Variants in ANK1 observed in about 807,000 individuals in gnomAD.
The protein encoded by ANK1 is ankyrin 1.
A neutral mutation model predicts 210.4 loss-of-function variants in ANK1; 51 were observed. The ratio of observed to expected loss-of-function variants is 0.24; its 90% CI spans 0.19 to 0.31. The LOEUF is 0.31. Ranked by LOEUF, ANK1 falls within the 10% of genes least tolerant of loss-of-function variation. ANK1 has a pLI of 1.00. For missense variants in ANK1, 2,051 were observed against 2,504.4 expected (o/e 0.82, Z 3.86); for synonymous variants, 967 against 1,025.9 (o/e 0.94, Z 1.10).
In ANK1 at chr8:41,708,224, G is replaced by A. The variant is rs778462469; in HGVS notation, c.1998+554C>T. 5.3e-4 allele frequency among the ~76,000 whole-genome samples: 79 copies of A among 150,364 alleles called. 1 individual carries two copies. The highest frequency in any genetic ancestry group is 1.9e-4 in the Non-Finnish European group (13 of 67,594). On this transcript the variant is annotated intron_variant, in intron 17 of 42. Coordinates refer to ENST00000289734, the MANE Select transcript of ANK1 (RefSeq NM_000037.4). Reference sequence around the variant, plus strand: ...GAAGTGATTTTTAGTCTTTTTTTTTGGGTCACACATTCCTTTGAGAAGCTG... The same window carrying A: ...GAAGTGATTTTTAGTCTTTTTTTTTAGGTCACACATTCCTTTGAGAAGCTG...
intron 1 of ANK1, among the ~76,000 whole-genome samples, chr8:41,761,529 T>TG (rs1840452172): frequency 1.3e-5 from 2 of 152,172 alleles, no homozygotes; most frequent in Admixed American, 1.3e-4. Flanking sequence ...CCTGAAGCCC[T>TG]GGAGGGAGTG....
At chr8:41,800,070 G>A (rs1449891555), upstream of ANK1, among the ~76,000 whole-genome samples, 1 of 152,096 alleles carries the variant, frequency 6.6e-6, no homozygotes, top group African/African-American at 2.4e-5. Flanking sequence ...CTGAAAGGGG[G>A]CCGCAAAAGC....
At chr8:41,889,319 G>A (rs891572404) in intron 1 of ANK1, among the ~76,000 whole-genome samples, 51 of 152,216 alleles carry the variant, frequency 3.4e-4, no homozygotes, top group African/African-American at 1.0e-3. Context: ...CCTATTGGGC[G>A]ACAGAGTGTG....
intron 1 of ANK1, among the ~76,000 whole-genome samples, chr8:41,858,397 G>T (rs1020083455): frequency 7.9e-5 from 12 of 151,726 alleles, no homozygotes; most frequent in African/African-American, 2.7e-4. Flanking sequence ...AGGCCAAGAG[G>T]GTGATGCCCA....
intron 2 of ANK1, among the ~76,000 whole-genome samples, chr8:41,749,456 C>T (rs979925715): frequency 6.6e-6 from 1 of 151,888 alleles, no homozygotes; most frequent in Non-Finnish European, 1.5e-5. Context: ...CACCACCATG[C>T]CCGACTAATT....
At chr8:41,858,738 A>G (rs938232282) in intron 1 of ANK1, among the ~76,000 whole-genome samples, 1 of 152,252 alleles carries the variant, frequency 6.6e-6, no homozygotes, top group Non-Finnish European at 1.5e-5. Context: ...AAACAAAACC[A>G]AAACCAGCAA....
chr8:41,685,149 G>A lies in ANK1; in HGVS notation c.4391-459C>T, dbSNP rs149328354. Among the ~76,000 whole-genome samples, 447 of 152,272 alleles carry A rather than the reference G, an allele frequency of 2.9e-3. 1 individual carries two copies. The highest frequency in any genetic ancestry group is 0.01 in the African/African-American group (429 of 41,550). ...TTGCCATGTTGGCCAGGCTGGTCTC[G>A]AACTCCTGACTTCAAGTGATCTACC... On this transcript the variant is annotated intron_variant, in intron 36 of 42. Transcript: ENST00000289734.
intron 1 of ANK1, among the ~76,000 whole-genome samples, chr8:41,864,393 G>A (rs1349947165): frequency 1.3e-5 from 2 of 152,116 alleles, no homozygotes; most frequent in East Asian, 3.8e-4. Context: ...ATTGGCCGGT[G>A]GGATGTGGAC....
At chr8:41,660,236 T>C (rs1807495363) in intron 42 of ANK1, among the ~76,000 whole-genome samples, 1 of 152,090 alleles carries the variant, frequency 6.6e-6, no homozygotes, top group African/African-American at 2.4e-5. Context: ...TTTGCCCAAG[T>C]GCTGAGATAT....
chr8:41,838,767 A>AAAAAATAATAATAAT (rs374459221), intron 1 of ANK1, among the ~76,000 whole-genome samples: 2 of 140,512 alleles, frequency 1.4e-5, no homozygotes, highest in Non-Finnish European at 3.0e-5. Context: ...TCCGTCTCAA[A>AAAAAATAATAATAAT]AATAATAATA....
chr8:41,662,278 C>T (rs1008760086), intron 40 of ANK1, among the ~76,000 whole-genome samples: 2 of 150,542 alleles, frequency 1.3e-5, no homozygotes, highest in Admixed American at 6.6e-5. Flanking sequence ...GGCGGGGGGG[C>T]TGGTCAAGCC....
intron 3 of ANK1, among the ~76,000 whole-genome samples, chr8:41,728,970 G>A (rs565060764): frequency 6.6e-6 from 1 of 152,328 alleles, no homozygotes; most frequent in African/African-American, 2.4e-5. Context: ...CAGGAAAGGA[G>A]GCCAGCAGGT....
chr8:41,710,236 A>AT (rs374950546), intron 16 of ANK1, among the ~76,000 whole-genome samples: 7 of 151,940 alleles, frequency 4.6e-5, no homozygotes, highest in East Asian at 3.9e-4. Context: ...TTTCACCTGC[A>AT]TTTTTTTTGC....
chr8:41,849,011 G>A (rs1486522919), intron 1 of ANK1, among the ~76,000 whole-genome samples: 1 of 152,202 alleles, frequency 6.6e-6, no homozygotes, highest in Non-Finnish European at 1.5e-5. Context: ...ATTGATTGAA[G>A]TTTCCACCCT....
chr8:41,888,311 A>G (rs1385200503), intron 1 of ANK1, among the ~76,000 whole-genome samples: 1 of 152,238 alleles, frequency 6.6e-6, no homozygotes, highest in East Asian at 1.9e-4. Flanking sequence ...GCATCTGATC[A>G]TAGGTACACA....
At chr8:41,679,958 T>G (rs552186968) in intron 37 of ANK1, among the ~76,000 whole-genome samples, 43 of 152,300 alleles carry the variant, frequency 2.8e-4, no homozygotes, top group Admixed American at 7.8e-4. Flanking sequence ...TTATTTGATA[T>G]CCAATGTCTT....
rs139231511 is a variant in ANK1, at chr8:41,892,892, C to A, written c.126+3463G>T. Among the ~76,000 whole-genome samples, 331 of 152,284 alleles carry A rather than the reference C, an allele frequency of 2.2e-3. 1 individual carries two copies. Among genetic ancestry groups the A allele is most frequent in the African/African-American group, 7.7e-3 (320 of 41,572 alleles). On this transcript the variant is annotated intron_variant, in intron 1 of 42. Coordinates refer to the ANK1 transcript ENST00000265709. ...TACACAGCTATGAATAGGACATGGT[C>A]TTTTCTTTCACCATCAGACGATGAA...
At chr8:41,760,977 TGAA>T (rs67745116) in intron 1 of ANK1, among the ~76,000 whole-genome samples, 45,201 of 151,748 alleles carry the variant, frequency 0.3, 7,365 homozygotes, top group Middle Eastern at 0.4. Flanking sequence ...CTGGAACCTG[TGAA>T]GGTGACCTTA....
At chr8:41,664,313 A>T (rs557888306) in intron 39 of ANK1, 38 of 370,334 alleles carry the variant, frequency 1.0e-4, no homozygotes, top group Admixed American at 8.6e-4. Flanking sequence ...CTCTACAAAA[A>T]TTTTTTTAAA....
Sources: gnomAD v4.1 joint callset for allele counts (sites outside exome capture counted in the v4.1 genomes callset) on GRCh38, gnomAD v4.1.1 for gene constraint, MANE v1.5 for transcripts, NCBI Gene and HGNC (gene_info 2026-07-23, HGNC 2026-07-21) for gene names.